Variants in ATAD2B observed in about 807,000 individuals in gnomAD.
The protein encoded by ATAD2B is ATPase family AAA domain-containing protein 2B.
ATAD2B carries 40 observed loss-of-function variants against 167.6 expected under a neutral mutation model. The observed-to-expected ratio is 0.24, with a 90% CI of 0.19 to 0.31. The LOEUF is 0.31. ATAD2B is among the 10% of genes least tolerant of loss of function. The probability of loss-of-function intolerance (pLI) is 1.00; values close to 1 mark genes in which losing one functional copy is unlikely to be tolerated. For missense variants in ATAD2B, 1,242 were observed against 1,757.2 expected, an observed-to-expected ratio of 0.71 and a Z score of 5.24; for synonymous variants, 579 against 596.5, an observed-to-expected ratio of 0.97 and a Z score of 0.43.
intron 25 of ATAD2B, 80 bp downstream of exon 25, chr2:23,757,338 T>C (rs1676070251): frequency 1.9e-6 from 2 of 1,072,512 alleles, no homozygotes; most frequent in Admixed American, 2.8e-5. Context: ...CAACTATTAC[T>C]ACTGGGAACC....
intron 1 of ATAD2B, among the ~76,000 whole-genome samples, chr2:23,922,270 T>C (rs907175843): frequency 1.3e-5 from 2 of 152,182 alleles, no homozygotes; most frequent in African/African-American, 4.8e-5. Context: ...GTGAATACAG[T>C]ATTAGATTGT....
intron 1 of ATAD2B, among the ~76,000 whole-genome samples, chr2:23,912,675 T>G (rs1192606552): frequency 6.6e-6 from 1 of 151,828 alleles, no homozygotes; most frequent in Non-Finnish European, 1.5e-5. Context: ...AAAAATAATT[T>G]CAACAACAAA....
At chr2:23,693,722 A>G in the ATAD2B span, among the ~76,000 whole-genome samples, 1 of 152,170 alleles carries the variant, frequency 6.6e-6, no homozygotes, top group East Asian at 1.9e-4. Flanking sequence ...TCCACCCCAA[A>G]GGAGACCCAA....
intron 13 of ATAD2B, among the ~76,000 whole-genome samples, chr2:23,848,470 A>T: frequency 6.6e-6 from 1 of 152,098 alleles, no homozygotes; most frequent in Admixed American, 6.6e-5. Flanking sequence ...ACAGAGTGAG[A>T]CTCTGTCTCA....
At chr2:23,854,437 G>C (rs1256706936) in intron 13 of ATAD2B, among the ~76,000 whole-genome samples, 1 of 151,968 alleles carries the variant, frequency 6.6e-6, no homozygotes, top group Non-Finnish European at 1.5e-5. Context: ...CAACACTTTG[G>C]GAGGCCGAGG....
chr2:23,840,519 G>A (rs1471885055), intron 13 of ATAD2B, among the ~76,000 whole-genome samples: 1 of 151,968 alleles, frequency 6.6e-6, no homozygotes, highest in African/African-American at 2.4e-5. Context: ...TTAGACTTTA[G>A]AGCTATAGTT....
At chr2:23,819,360 G>A (rs551181486) in intron 17 of ATAD2B, among the ~76,000 whole-genome samples, 4 of 151,986 alleles carry the variant, frequency 2.6e-5, no homozygotes, top group Non-Finnish European at 4.4e-5. Flanking sequence ...GCGTGGTAGC[G>A]CACACCTGTA....
chr2:23,776,267 A>T (rs1289398280), intron 22 of ATAD2B, among the ~76,000 whole-genome samples: 1 of 152,102 alleles, frequency 6.6e-6, no homozygotes. Flanking sequence ...CCAGACCAAA[A>T]CCTCAGGGAT....
At chr2:23,812,723 C>T (rs752384694) in intron 17 of ATAD2B, among the ~76,000 whole-genome samples, 26 of 151,706 alleles carry the variant, frequency 1.7e-4, no homozygotes, top group Non-Finnish European at 3.2e-4. Flanking sequence ...ATTAGCTGGG[C>T]GTGGTGGCAC....
At chr2:23,688,287 G>A in the ATAD2B span, among the ~76,000 whole-genome samples, 6 of 152,186 alleles carry the variant, frequency 3.9e-5, no homozygotes, top group Non-Finnish European at 7.4e-5. Context: ...ATTCATGGGC[G>A]GAGTCCTCTC....
At chr2:23,807,820 A>ATAT (rs779599879) in intron 18 of ATAD2B, among the ~76,000 whole-genome samples, 1,670 of 65,062 alleles carry the variant, frequency 0.026, 24 homozygotes, top group Non-Finnish European at 0.035. Context: ...CATCTTAAAA[A>ATAT]AAAAAAAAAT....
intron 1 of ATAD2B, among the ~76,000 whole-genome samples, chr2:23,910,483 A>G (rs1702129611): frequency 1.3e-5 from 2 of 150,708 alleles, no homozygotes; most frequent in African/African-American, 4.9e-5. Context: ...CGGCCTGCAT[A>G]CTCTTTTATC....
Position 23,757,694 on chromosome 2 carries a change from G to C in ATAD2B, c.3802C>G (p.Leu1268Val). The change falls in exon 25 of 28, where the codon CTA becomes GTA. Residue 1268 changes from leucine (L) to valine (V), a missense_variant. By Grantham distance (32) the Leu-to-Val change is conservative. Transcript: ENST00000238789. ...RKETFLKGNC[L>V]NGEASTDSFE... The stretch of plus-strand genomic sequence containing the variant: ...CTGTCAGTGGAAGCCTCACCATTTA[G>C]ACAATTTCCTTTAAGGAAAGTCTCT... 6.2e-7 allele frequency: 1 copy of C among 1,612,830 alleles called. No individual in the cohort carries two copies. Among genetic ancestry groups the C allele is most frequent in the Non-Finnish European group, 8.5e-7 (1 of 1,179,496 alleles).
intron 22 of ATAD2B, among the ~76,000 whole-genome samples, chr2:23,777,608 A>G (rs1442913081): frequency 6.6e-6 from 1 of 152,192 alleles, no homozygotes; most frequent in Non-Finnish European, 1.5e-5. Flanking sequence ...CTTTAATCCT[A>G]TACAATTTGA....
intron 10 of ATAD2B, 142 bp downstream of exon 10, chr2:23,867,693 G>A: frequency 6.7e-6 from 4 of 600,408 alleles, no homozygotes; most frequent in Middle Eastern, 3.6e-4. Flanking sequence ...TGTGGCTAGG[G>A]TTCTTAGGTT....
chr2:23,744,073 T>A (rs1230724461), downstream of ATAD2B, among the ~76,000 whole-genome samples: 1 of 152,164 alleles, frequency 6.6e-6, no homozygotes, highest in Admixed American at 6.5e-5. Flanking sequence ...TACTGAATAA[T>A]GATCTGACCA....
intron 13 of ATAD2B, among the ~76,000 whole-genome samples, chr2:23,852,559 T>C (rs1692735187): frequency 6.6e-6 from 1 of 152,220 alleles, no homozygotes; most frequent in South Asian, 2.1e-4. Context: ...ATCCAATAAT[T>C]TTTTAAGAAA....
chr2:23,703,266 G>A, the ATAD2B span: 3 of 1,548,508 alleles, frequency 1.9e-6, no homozygotes, highest in South Asian at 2.4e-5. Flanking sequence ...ACAGTGTGTG[G>A]CGGCAAGATC....
intron 6 of ATAD2B, among the ~76,000 whole-genome samples, chr2:23,881,624 G>A (rs1418038446): frequency 4.6e-5 from 7 of 152,050 alleles, no homozygotes; most frequent in Non-Finnish European, 8.8e-5. Flanking sequence ...GCCTCCCAAT[G>A]TGCTGGGATT....
Sources: gnomAD v4.1 joint callset for allele counts (sites outside exome capture counted in the v4.1 genomes callset) on GRCh38, gnomAD v4.1.1 for gene constraint, MANE v1.5 for transcripts, NCBI Gene and HGNC (gene_info 2026-07-23, HGNC 2026-07-21) for gene names.